Variants in COL22A1 observed in about 807,000 individuals in gnomAD.
COL22A1 encodes the protein collagen alpha-1(XXII) chain.
A neutral mutation model predicts 248.9 loss-of-function variants in COL22A1; 221 were observed. That is an observed-to-expected ratio of 0.89 (90% CI 0.80 to 0.99). The LOEUF (loss-of-function observed/expected upper bound fraction) is 0.99, where lower values mean the gene tolerates loss of function less well. COL22A1 is among the 50% of genes least tolerant of loss of function. The probability of loss-of-function intolerance (pLI) is 0.00; values close to 1 mark genes in which losing one functional copy is unlikely to be tolerated. For missense variants in COL22A1, 2,240 were observed against 2,179.0 expected, an observed-to-expected ratio of 1.03 and a Z score of -0.56; for synonymous variants, 891 against 793.4, an observed-to-expected ratio of 1.12 and a Z score of -2.07.
intron 16 of COL22A1, among the ~76,000 whole-genome samples, chr8:138,763,351 C>T (rs1833657723): frequency 6.6e-6 from 1 of 151,744 alleles, no homozygotes; most frequent in Non-Finnish European, 1.5e-5. Context: ...CATGCCACTG[C>T]TCTCCAGCCC....
chr8:138,835,561 C>T (rs1820363895), intron 4 of COL22A1, among the ~76,000 whole-genome samples: 1 of 152,162 alleles, frequency 6.6e-6, no homozygotes, highest in South Asian at 2.1e-4. Context: ...AGACAGGGCC[C>T]AGCTTGCTGA....
At position 138,626,244 on chromosome 8, in the gene COL22A1, C is replaced by T. The variant is rs745780915; in HGVS notation, c.3664-1G>A. On this transcript the variant is annotated splice_acceptor_variant, in intron 50 of 64. Transcript: ENST00000303045. LOFTEE classifies it high-confidence loss of function. ...GGGGGCCAGGAGGGCCTTCTTTCCC[C>T]TAAAAGATCCAAGACATAAAAACAC... 3.1e-6 allele frequency: 5 copies of T among 1,608,380 alleles called. No homozygotes were observed. The highest frequency in any genetic ancestry group is 2.2e-5 in the East Asian group (1 of 44,612).
rs558082930 is a variant in COL22A1, at chr8:138,712,604, TCTC to T, written c.2517+3075_2517+3077del. ...GGTTCTACCAGCAGAGAGCATATGT[TCTC>T]CTCAGCAGAGGGTACATGTTCTATC... On this transcript the variant is annotated intron_variant, in intron 30 of 64. Transcript: ENST00000303045. Among the ~76,000 whole-genome samples, 6 of 152,326 alleles carry T rather than the reference TCTC, an allele frequency of 3.9e-5. No individual in the cohort carries two copies. In the East Asian group the frequency reaches 9.6e-4, roughly 24 times the overall value.
At chr8:138,894,736 C>T (rs959944212) in intron 1 of COL22A1, among the ~76,000 whole-genome samples, 1 of 152,118 alleles carries the variant, frequency 6.6e-6, no homozygotes, top group African/African-American at 2.4e-5. Context: ...CATCTCTGAC[C>T]TTAGTGTCAG....
intron 50 of COL22A1, 62 bp downstream of exon 50, chr8:138,630,633 C>G (rs748895317): frequency 5.4e-6 from 8 of 1,470,086 alleles, no homozygotes; most frequent in Non-Finnish European, 7.6e-6. Flanking sequence ...TTGGCAAACA[C>G]CTGGGGTTCC....
chr8:138,836,132 G>A lies in COL22A1; in HGVS notation c.734-2982C>T, dbSNP rs763671896. ...CTAAAAATATAAAAATTAGCCAGGG[G>A]TGGTAGTGGGTTCCTATAATCTCAG... is the stretch of plus-strand genomic sequence containing the variant. On this transcript the variant is annotated intron_variant, in intron 4 of 64. Coordinates refer to ENST00000303045, the MANE Select transcript of COL22A1 (RefSeq NM_152888.3). 3.3e-5 allele frequency among the ~76,000 whole-genome samples: 5 copies of A among 152,144 alleles called. No homozygotes were observed. The South Asian group carries it at 8.3e-4, about 25-fold the overall frequency.
intron 39 of COL22A1, 139 bp from the exon 40 acceptor site, chr8:138,679,815 G>A: frequency 1.3e-6 from 1 of 754,034 alleles, no homozygotes; most frequent in South Asian, 1.5e-5. Flanking sequence ...TGGCACAGGT[G>A]GCAGCTAATA....
chr8:138,720,478 T>C (rs918654251), intron 27 of COL22A1, among the ~76,000 whole-genome samples: 3 of 152,078 alleles, frequency 2.0e-5, no homozygotes, highest in African/African-American at 7.2e-5. Flanking sequence ...CTTCTCCAGC[T>C]GCAGATCTTG....
At chr8:138,807,955 T>C (rs1488889728) in intron 9 of COL22A1, 143 bp from the exon 10 acceptor site, 1 of 764,282 alleles carries the variant, frequency 1.3e-6, no homozygotes, top group Non-Finnish European at 2.1e-6. Context: ...GGCAAGGAAA[T>C]TGGTTGACTG....
At chr8:138,817,180 G>C (rs73723541) in intron 7 of COL22A1, among the ~76,000 whole-genome samples, 2,874 of 152,302 alleles carry the variant, frequency 0.019, 87 homozygotes, top group African/African-American at 0.062. Flanking sequence ...TAATTTGGGA[G>C]CACTGGTAGC....
In COL22A1 at chr8:138,610,131, T is replaced by C. The variant is rs531686672; in HGVS notation, c.3979-2142A>G. 5.3e-5 allele frequency among the ~76,000 whole-genome samples: 8 copies of C among 152,308 alleles called. No homozygotes were observed. The East Asian group carries it at 1.4e-3, about 26-fold the overall frequency. On this transcript the variant is annotated intron_variant, in intron 56 of 64. Transcript: ENST00000303045. ...GTGCCACTGACTTGCAGTGTGATCT[T>C]GGGCAAGTTACTAGACTTCTCTGTG...
At position 138,796,851 on chromosome 8, in the gene COL22A1, C is replaced by T. The variant is rs1429468849; in HGVS notation, c.1564G>A (p.Gly522Arg). 12 of 1,598,946 alleles carry T rather than the reference C, an allele frequency of 7.5e-6. No homozygotes were observed. The African/African-American group carries it at 9.4e-5, about 13-fold the overall frequency. Residue 522 changes from glycine to arginine, a missense_variant, in exon 12 of 65, where the codon GGA becomes AGA. Gly to Arg is a moderately radical substitution (Grantham distance 125). Coordinates refer to ENST00000303045, the MANE Select transcript of COL22A1 (RefSeq NM_152888.3). ...PKGEKGDVGI[G>R]PFGQGEKGEK... Reference sequence around the variant, plus strand: ...CCCTTTTCCCCTTGGCCAAAAGGTCCTATGCCCTAGAAAAATGAAAGAAGG... The same window carrying T: ...CCCTTTTCCCCTTGGCCAAAAGGTCTTATGCCCTAGAAAAATGAAAGAAGG...
chr8:138,688,746 G>A (rs1397810588), intron 37 of COL22A1, among the ~76,000 whole-genome samples, 171 bp downstream of exon 37: 1 of 151,950 alleles, frequency 6.6e-6, no homozygotes, highest in Admixed American at 6.6e-5. Context: ...GGTCTGTTGT[G>A]AGGAATAAAT....
chr8:138,883,720 A>G (rs1272517525), intron 1 of COL22A1, among the ~76,000 whole-genome samples: 1 of 150,740 alleles, frequency 6.6e-6, no homozygotes, highest in Non-Finnish European at 1.5e-5. Flanking sequence ...TCTCTCACAT[A>G]TTCGCTCTCC....
At chr8:138,627,673 C>T (rs1820355315) in intron 50 of COL22A1, among the ~76,000 whole-genome samples, 1 of 152,066 alleles carries the variant, frequency 6.6e-6, no homozygotes, top group African/African-American at 2.4e-5. Context: ...CATTATAAAC[C>T]AGCCTCCCCA....
At chr8:138,641,675 T>C (rs1029499870) in intron 47 of COL22A1, among the ~76,000 whole-genome samples, 2 of 152,188 alleles carry the variant, frequency 1.3e-5, no homozygotes, top group Non-Finnish European at 2.9e-5. Flanking sequence ...GCTGCAAATC[T>C]GTAAGATAAA....
chr8:138,910,727 A>G (rs1815393769), intron 1 of COL22A1, among the ~76,000 whole-genome samples: 1 of 152,164 alleles, frequency 6.6e-6, no homozygotes, highest in African/African-American at 2.4e-5. Context: ...GAAGGCCCGC[A>G]TCATTCCCAG....
In COL22A1 at chr8:138,604,897, G is replaced by A. The variant is rs560686411; in HGVS notation, c.4105-128C>T. ...AAAGACAACAATCGATGGTCTACCTGGCCAAGGACATCCCAGACAGGCTCT... is the reference window on the plus strand; with the variant it reads ...AAAGACAACAATCGATGGTCTACCTAGCCAAGGACATCCCAGACAGGCTCT... On this transcript the variant is annotated intron_variant, in intron 58 of 64. Transcript: ENST00000303045. The A allele has an allele frequency of 2.4e-5, 21 of 861,658 alleles. No individual in the cohort carries two copies. In the South Asian group the frequency reaches 3.2e-4, roughly 13 times the overall value. 53.4% of individuals were successfully genotyped at this position (861,658 alleles called of 1,614,324 possible).
chr8:138,611,141 C>T (rs1257964915), intron 56 of COL22A1, among the ~76,000 whole-genome samples: 1 of 152,230 alleles, frequency 6.6e-6, no homozygotes, highest in Non-Finnish European at 1.5e-5. Flanking sequence ...TTGATCGCTG[C>T]CCTATGCCAA....
Sources: gnomAD v4.1 joint callset for allele counts (sites outside exome capture counted in the v4.1 genomes callset) on GRCh38, gnomAD v4.1.1 for gene constraint, MANE v1.5 for transcripts, NCBI Gene and HGNC (gene_info 2026-07-23, HGNC 2026-07-21) for gene names.